PINX1: variants seen among roughly 807,000 people sequenced by gnomAD.
The protein encoded by PINX1 is PIN2 (TERF1) interacting telomerase inhibitor 1.
In PINX1, 34 loss-of-function variants were observed where a neutral mutation model predicts 25.4. That is an observed-to-expected ratio of 1.34 (90% CI 1.02 to 1.78). The LOEUF (loss-of-function observed/expected upper bound fraction) is 1.78. Ranked by LOEUF, PINX1 falls within the 40% of genes most tolerant of loss-of-function variation. The pLI is 0.00. For missense variants in PINX1, 592 were observed against 404.9 expected (o/e 1.46, Z -3.97); for synonymous variants, 197 against 147.7 (o/e 1.33, Z -2.42).
chr8:10,793,857 T>A (rs546162334), intron 6 of PINX1, among the ~76,000 whole-genome samples: 76 of 152,292 alleles, frequency 5.0e-4, no homozygotes, highest in Non-Finnish European at 8.8e-4. Context: ...TCTTAGTATA[T>A]TCCTTATGAC....
At chr8:10,809,790 C>A (rs6601528) in intron 6 of PINX1, among the ~76,000 whole-genome samples, 4,948 of 152,356 alleles carry the variant, frequency 0.032, 102 homozygotes, top group Middle Eastern at 0.085. Flanking sequence ...TTTATCATCA[C>A]CATCCTCGTT....
chr8:10,808,790 T>C (rs936681700), intron 6 of PINX1, among the ~76,000 whole-genome samples: 3 of 152,188 alleles, frequency 2.0e-5, no homozygotes, highest in Non-Finnish European at 2.9e-5. Flanking sequence ...AATCGGCCTA[T>C]CTGACATGAA....
chr8:10,771,100 A>G (rs1364150738), intron 6 of PINX1: 1 of 152,254 alleles, frequency 6.6e-6, no homozygotes, highest in Non-Finnish European at 1.5e-5. Context: ...AAGCTTGGCA[A>G]GTGAGTGGTT....
At chr8:10,797,949 A>G (rs1262661749) in intron 6 of PINX1, among the ~76,000 whole-genome samples, 1 of 152,228 alleles carries the variant, frequency 6.6e-6, no homozygotes, top group Non-Finnish European at 1.5e-5. Flanking sequence ...CTAAATGATG[A>G]GCTAAACAGT....
intron 6 of PINX1, among the ~76,000 whole-genome samples, chr8:10,807,229 G>C (rs1168795130): frequency 1.3e-5 from 2 of 151,156 alleles, no homozygotes; most frequent in East Asian, 3.9e-4. Context: ...ATAACAATGA[G>C]ATAGTAAGAC....
intron 6 of PINX1, among the ~76,000 whole-genome samples, chr8:10,776,036 T>G (rs1801381952): frequency 6.6e-6 from 1 of 152,156 alleles, no homozygotes; most frequent in Non-Finnish European, 1.5e-5. Context: ...AATCAACAGC[T>G]ACATTTTTAA....
intron 1 of PINX1, among the ~76,000 whole-genome samples, chr8:10,835,127 G>A (rs1463234800): frequency 6.6e-6 from 1 of 152,178 alleles, no homozygotes; most frequent in Non-Finnish European, 1.5e-5. Context: ...ATCACCATCA[G>A]CAGTAGTAGC....
intron 6 of PINX1, among the ~76,000 whole-genome samples, chr8:10,815,311 T>C (rs1563227463): frequency 6.6e-6 from 1 of 152,228 alleles, no homozygotes; most frequent in East Asian, 1.9e-4. Flanking sequence ...TTCATAAACA[T>C]GTCCTAGAAA....
At chr8:10,828,877 C>A (rs1322054578) in intron 4 of PINX1, among the ~76,000 whole-genome samples, 2 of 152,178 alleles carry the variant, frequency 1.3e-5, no homozygotes, top group Admixed American at 6.5e-5. Flanking sequence ...GCAGCTGGCC[C>A]GGCCCTCACA....
At position 10,765,681 on chromosome 8, in the gene PINX1, G is replaced by C. The variant is rs777734230; in HGVS notation, c.707C>G (p.Thr236Arg). 1 of 1,613,868 alleles carries C rather than the reference G, an allele frequency of 6.2e-7. No homozygotes were observed. The highest frequency in any genetic ancestry group is 8.5e-7 in the Non-Finnish European group (1 of 1,179,904). Residue 236 changes from threonine (T) to arginine (R), a missense_variant, in exon 7 of 7, where the codon ACG becomes AGG. Thr to Arg is a moderately conservative substitution (Grantham distance 71, BLOSUM62 -1). Coordinates refer to ENST00000314787, the MANE Select transcript of PINX1 (RefSeq NM_017884.6). The part of the protein sequence containing the change: ...SYLQPKAKRH[T>R]EGKPERAEAQ... The stretch of plus-strand genomic sequence containing the variant: ...CTCGGCCCTCTCGGGCTTTCCCTCC[G>C]TGTGCCTCTTGGCCTTAGGCTGGAG...
At chr8:10,835,975 G>C (rs187048030) in intron 1 of PINX1, among the ~76,000 whole-genome samples, 222 of 152,164 alleles carry the variant, frequency 1.5e-3, no homozygotes, top group Non-Finnish European at 2.9e-3. Context: ...GCACAAGAAT[G>C]TCAAACTGAA....
intron 1 of PINX1, among the ~76,000 whole-genome samples, chr8:10,837,909 G>A (rs28613656): frequency 0.56 from 84,865 of 152,078 alleles, 24,882 homozygotes; most frequent in African/African-American, 0.7. Flanking sequence ...ATAAGGAACT[G>A]CAACCTACGT....
chr8:10,805,533 G>C (rs1331085505), intron 6 of PINX1, among the ~76,000 whole-genome samples: 1 of 151,154 alleles, frequency 6.6e-6, no homozygotes, highest in Non-Finnish European at 1.5e-5. Flanking sequence ...CACTAGTGCT[G>C]AGGGAGGAGG....
At chr8:10,809,220 C>G (rs960518576) in intron 6 of PINX1, among the ~76,000 whole-genome samples, 9 of 152,158 alleles carry the variant, frequency 5.9e-5, no homozygotes, top group African/African-American at 2.2e-4. Context: ...CCTTCAGTTC[C>G]CCTTCAGTCC....
Position 10,765,274 on chromosome 8 carries a change from C to A in PINX1, c.*127G>T. The stretch of plus-strand genomic sequence containing the variant: ...TGGCGAGAGGGCAGGACTCGGCAGC[C>A]CATGGGCATGCCACAAGATGCGCCC... On this transcript the variant is annotated 3_prime_UTR_variant, in exon 7 of 7. Transcript: ENST00000314787. 4 of 835,984 alleles carry A rather than the reference C, an allele frequency of 4.8e-6. No homozygotes were observed. Among genetic ancestry groups the A allele is most frequent in the Non-Finnish European group, 5.4e-6 (3 of 554,976 alleles). The allele number at this position is 835,984 out of a possible 1,614,324, so 51.8% of individuals were successfully genotyped here. A position where few individuals can be genotyped will look rare whatever the true frequency, so the allele number is the denominator to read the frequency against.
intron 6 of PINX1, among the ~76,000 whole-genome samples, chr8:10,785,239 T>C (rs1801711213): frequency 6.6e-6 from 1 of 152,210 alleles, no homozygotes; most frequent in Middle Eastern, 3.2e-3. Context: ...CTTACAGCTA[T>C]TAAGGAAATC....
At chr8:10,803,691 T>C (rs898166072) in intron 6 of PINX1, among the ~76,000 whole-genome samples, 12 of 152,238 alleles carry the variant, frequency 7.9e-5, no homozygotes, top group Non-Finnish European at 1.5e-4. Context: ...AGATTTATAC[T>C]GCATTATGTC....
At chr8:10,827,459 G>C (rs1563235553) in intron 4 of PINX1, among the ~76,000 whole-genome samples, 1 of 152,072 alleles carries the variant, frequency 6.6e-6, no homozygotes, top group Non-Finnish European at 1.5e-5. Context: ...TCTGGGGTTA[G>C]AGTCAATTAT....
At chr8:10,788,969 G>A (rs1801837092) in intron 6 of PINX1, among the ~76,000 whole-genome samples, 2 of 149,966 alleles carry the variant, frequency 1.3e-5, no homozygotes, top group Non-Finnish European at 3.0e-5. Context: ...CCAGAACTGA[G>A]GAGCTCAGGA....
Sources: allele counts gnomAD v4.1 joint callset (sites outside exome capture counted in the v4.1 genomes callset), GRCh38; gene constraint gnomAD v4.1.1; transcripts MANE v1.5; gene names NCBI Gene and HGNC (gene_info 2026-07-23, HGNC 2026-07-21).